The following LRP6 variants were observed in gnomAD, a reference collection of about 807,000 sequenced individuals.
LRP6 encodes the protein LDL receptor related protein 6, also known as low-density lipoprotein receptor-related protein 6.
A neutral mutation model predicts 184.1 loss-of-function variants in LRP6; 43 were observed. The ratio of observed to expected loss-of-function variants is 0.23; its 90% confidence interval spans 0.18 to 0.30. The LOEUF is 0.30. Among genes scored for constraint, LRP6 ranks in the 10% least tolerant of loss-of-function variants. The pLI is 1.00. For synonymous variants in LRP6, 719 were observed against 684.9 expected (o/e 1.05, Z -0.78); for missense variants, 1,571 against 2,005.3 (o/e 0.78, Z 4.14).
At position 12,180,000 on chromosome 12, in the gene LRP6, A is replaced by C; in HGVS notation, c.1374-19T>G. Reference sequence around the variant, plus strand: ...CATGTACCTAGAGAAGTATACAAAAAATGAGCTAAAAATAGATAATAAAAT... The same window carrying C: ...CATGTACCTAGAGAAGTATACAAAACATGAGCTAAAAATAGATAATAAAAT... On this transcript the variant is annotated intron_variant, in intron 6 of 22. Coordinates refer to ENST00000261349, the MANE Select transcript of LRP6 (RefSeq NM_002336.3). 1 of 1,604,414 alleles carries C rather than the reference A, an allele frequency of 6.2e-7. No individual in the cohort carries two copies. Among genetic ancestry groups the C allele is most frequent in the Non-Finnish European group, 8.5e-7 (1 of 1,171,398 alleles).
intron 22 of LRP6, 80 bp downstream of exon 22, chr12:12,124,485 C>T (rs1174571418): frequency 9.5e-6 from 9 of 949,908 alleles, no homozygotes; most frequent in Non-Finnish European, 1.6e-5. Context: ...ATCGTCTACT[C>T]ATTTGGGGCT....
At chr12:12,163,285 T>C (rs1862786195) in intron 9 of LRP6, among the ~76,000 whole-genome samples, 1 of 152,058 alleles carries the variant, frequency 6.6e-6, no homozygotes, top group African/African-American at 2.4e-5. Context: ...CCACCCCCCA[T>C]TTTCAAGATG....
rs143381517 is a variant in LRP6, at chr12:12,136,383, A to G, written c.3608-1083T>C. Among the ~76,000 whole-genome samples, 152 of 152,344 alleles carry G rather than the reference A, an allele frequency of 1.0e-3. 1 individual carries two copies. The highest frequency in any genetic ancestry group is 3.4e-3 in the African/African-American group (141 of 41,584). On this transcript the variant is annotated intron_variant, in intron 16 of 22. Coordinates refer to ENST00000261349, the MANE Select transcript of LRP6 (RefSeq NM_002336.3). ...AAGAGTTATTAGAAGAAAAAAACTT[A>G]AAAGGCACATGTAACAGAACAATTC...
chr12:12,186,675 TTG>T, intron 4 of LRP6: 21 of 412,248 alleles, frequency 5.1e-5, no homozygotes, highest in Non-Finnish European at 6.2e-5. Context: ...TTTTTTTTTT[TTG>T]AGACACAGTC....
In LRP6 at chr12:12,141,893, C is replaced by T. The variant is rs541172056; in HGVS notation, c.3398-3359G>A. 1.0e-3 allele frequency among the ~76,000 whole-genome samples: 153 copies of T among 152,252 alleles called. 1 individual carries two copies. Among genetic ancestry groups the T allele is most frequent in the Middle Eastern group, 6.8e-3 (2 of 294 alleles). On this transcript the variant is annotated intron_variant, in intron 15 of 22. Transcript: ENST00000261349. ...TTATGGCACTAGTCACAGGTGGGTC[C>T]TTTCTATCTGCAAACTTGTGCCTCG... is the stretch of plus-strand genomic sequence containing the variant.
intron 3 of LRP6, among the ~76,000 whole-genome samples, chr12:12,199,141 AAAG>A (rs887278385): frequency 6.6e-5 from 10 of 152,178 alleles, no homozygotes; most frequent in African/African-American, 2.2e-4. Flanking sequence ...TAAAAAAAAA[AAAG>A]GAGCACAAAT....
intron 22 of LRP6, among the ~76,000 whole-genome samples, chr12:12,123,165 T>C (rs1011468275): frequency 4.6e-5 from 7 of 152,190 alleles, no homozygotes; most frequent in South Asian, 2.1e-4. Flanking sequence ...ATACGGAAAA[T>C]AGTTAAGCAA....
intron 2 of LRP6, among the ~76,000 whole-genome samples, chr12:12,239,187 G>C (rs963380021): frequency 6.6e-6 from 1 of 152,152 alleles, no homozygotes; most frequent in African/African-American, 2.4e-5. Context: ...CTTCAAAACT[G>C]TAAGTTGTTT....
rs1949656652 is a variant in LRP6 at position 12,125,240 on chromosome 12, G to GT, written c.4449+55dup. The GT allele has an allele frequency of 3.1e-6, 5 of 1,599,236 alleles. No individual in the cohort carries two copies. In the South Asian group the frequency reaches 5.5e-5, roughly 18 times the overall value. On this transcript the variant is annotated intron_variant, in intron 21 of 22. Coordinates refer to ENST00000261349, the MANE Select transcript of LRP6 (RefSeq NM_002336.3). Reference sequence around the variant, plus strand: ...TCACTGATCACCCACATTTAAATGAGTTAAAAAATCTAAGATCTTATGTAT... The same window carrying GT: ...TCACTGATCACCCACATTTAAATGAGTTTAAAAAATCTAAGATCTTATGTAT...
rs1389425567 is a variant in LRP6, at chr12:12,162,190, T to C, written c.2279+3A>G. Reference sequence around the variant, plus strand: ...CAAAGAATGCACATGTAAAGCTGTTTACCCTTCGGCAGGGTCCAACGCGAG... The same window carrying C: ...CAAAGAATGCACATGTAAAGCTGTTCACCCTTCGGCAGGGTCCAACGCGAG... On this transcript the variant is annotated splice_donor_region_variant and intron_variant, in intron 10 of 22. Coordinates refer to ENST00000261349, the MANE Select transcript of LRP6 (RefSeq NM_002336.3). 1.2e-6 allele frequency: 2 copies of C among 1,613,040 alleles called. No homozygotes were observed. Among genetic ancestry groups the C allele is most frequent in the Non-Finnish European group, 1.7e-6 (2 of 1,178,972 alleles).
intron 2 of LRP6, among the ~76,000 whole-genome samples, chr12:12,205,329 C>CA (rs56169717): frequency 0.059 from 2,299 of 38,928 alleles, 152 homozygotes; most frequent in African/African-American, 0.14. Flanking sequence ...CTCAAACAAA[C>CA]AAAAAAAAAA....
intron 16 of LRP6, among the ~76,000 whole-genome samples, chr12:12,137,500 AG>A (rs1319474217): frequency 6.6e-6 from 1 of 152,086 alleles, no homozygotes; most frequent in Non-Finnish European, 1.5e-5. Context: ...TTTATCCCAA[AG>A]GGGGGGAAAA....
chr12:12,238,759 A>G (rs1436973349), intron 2 of LRP6, among the ~76,000 whole-genome samples: 2 of 152,202 alleles, frequency 1.3e-5, no homozygotes, highest in African/African-American at 2.4e-5. Context: ...ACTGAAGGGC[A>G]TACTTCAAAC....
chr12:12,201,913 A>G (rs975844347), intron 3 of LRP6, among the ~76,000 whole-genome samples: 1 of 152,204 alleles, frequency 6.6e-6, no homozygotes, highest in South Asian at 2.1e-4. Context: ...TGAATTCTTT[A>G]TATCTTTCCT....
chr12:12,255,566 C>CTTTTT (rs749441005), intron 1 of LRP6, among the ~76,000 whole-genome samples: 1,286 of 114,102 alleles, frequency 0.011, 57 homozygotes, highest in African/African-American at 0.04. Flanking sequence ...GGTTTGGTCA[C>CTTTTT]TTTTTTTTTT....
chr12:12,263,520 C>T (rs1192050764), intron 1 of LRP6, among the ~76,000 whole-genome samples: 2 of 144,856 alleles, frequency 1.4e-5, no homozygotes, highest in African/African-American at 5.2e-5. Context: ...CAATGCACTC[C>T]AGCCTGGGCA....
intron 8 of LRP6, 128 bp from the exon 9 acceptor site, chr12:12,164,690 A>C: frequency 4.5e-5 from 37 of 824,422 alleles, no homozygotes; most frequent in Non-Finnish European, 6.6e-5. Flanking sequence ...TCCCAATCTC[A>C]AGTTTCAATT....
chr12:12,202,315 G>A (rs765039900), intron 3 of LRP6, among the ~76,000 whole-genome samples: 26 of 152,344 alleles, frequency 1.7e-4, no homozygotes, highest in South Asian at 4.1e-4. Flanking sequence ...GGCCGAGGCC[G>A]GTGAATCACT....
intron 3 of LRP6, among the ~76,000 whole-genome samples, chr12:12,195,240 G>A (rs1344658804): frequency 6.6e-6 from 1 of 152,058 alleles, no homozygotes; most frequent in Non-Finnish European, 1.5e-5. Flanking sequence ...TGGATCATAT[G>A]GTAGTTCTAT....
Sources: gnomAD v4.1 joint callset for allele counts (sites outside exome capture counted in the v4.1 genomes callset) on GRCh38, gnomAD v4.1.1 for gene constraint, MANE v1.5 for transcripts, NCBI Gene and HGNC (gene_info 2026-07-23, HGNC 2026-07-21) for gene names.